KIRREL3: variants seen among roughly 807,000 people sequenced by gnomAD.
KIRREL3 encodes the protein kin of IRRE-like protein 3.
A neutral mutation model predicts 89.7 loss-of-function variants in KIRREL3; 36 were observed. The observed-to-expected ratio is 0.40, with a 90% CI of 0.31 to 0.53. The LOEUF (loss-of-function observed/expected upper bound fraction) is 0.53, where lower values mean the gene tolerates loss of function less well. Among genes scored for constraint, KIRREL3 ranks in the 20% least tolerant of loss-of-function variants. The pLI is 0.49. For synonymous variants in KIRREL3, 445 were observed against 441.4 expected, an observed-to-expected ratio of 1.01 and a Z score of -0.10; for missense variants, 864 against 1,056.6, an observed-to-expected ratio of 0.82 and a Z score of 2.53.
chr11:126,984,327 G>A (rs1949796785), intron 1 of KIRREL3, among the ~76,000 whole-genome samples: 1 of 152,220 alleles, frequency 6.6e-6, no homozygotes, highest in Non-Finnish European at 1.5e-5. Context: ...AAGTGACAGA[G>A]CCTGTAGCCT....
chr11:126,425,075 G>A (rs1350711407), intron 16 of KIRREL3, 52 bp from the exon 17 acceptor site: 13 of 1,439,122 alleles, frequency 9.0e-6, no homozygotes, highest in Non-Finnish European at 1.1e-5. Flanking sequence ...TCCACTGAGC[G>A]TGGCTGGGGT....
At chr11:126,793,864 C>T (rs1205532055) in intron 1 of KIRREL3, among the ~76,000 whole-genome samples, 3 of 152,104 alleles carry the variant, frequency 2.0e-5, no homozygotes, top group Admixed American at 6.5e-5. Context: ...ATTTGCAATC[C>T]AAATACACAT....
At chr11:126,634,741 C>T (rs972385608) in intron 1 of KIRREL3, among the ~76,000 whole-genome samples, 4 of 152,180 alleles carry the variant, frequency 2.6e-5, no homozygotes, top group Admixed American at 1.3e-4. Context: ...ACTCCATTGC[C>T]CCCTAGCCTA....
rs1327718951 is a variant in KIRREL3, at chr11:126,724,333, C to G, written c.56-161421G>C. ...GCTAACCTGATCCTAAGACAGGCCC[C>G]AACTAGTACACACGCAGATCCATGC... On this transcript the variant is annotated intron_variant, in intron 1 of 16. Coordinates refer to ENST00000525144, the MANE Select transcript of KIRREL3 (RefSeq NM_032531.4). The surrounding 1 kb of genome is among the most constrained non-coding windows in gnomAD (Gnocchi z 4.3). Among the ~76,000 whole-genome samples, 1 of 152,202 alleles carries G rather than the reference C, an allele frequency of 6.6e-6. No homozygotes were observed. Among genetic ancestry groups the G allele is most frequent in the Non-Finnish European group, 1.5e-5 (1 of 68,030 alleles).
At position 126,574,017 on chromosome 11, in the gene KIRREL3, A is replaced by T. The variant is rs1463754340; in HGVS notation, c.56-11105T>A. On this transcript the variant is annotated intron_variant, in intron 1 of 16. Transcript: ENST00000525144. This position sits in a 1 kb window ranked among gnomAD's most constrained non-coding sequence, Gnocchi z 5.3. ...TATGGAAAGTCCACACATTCCAGAA[A>T]GCTCCATGGAAGCCCCTTACAGGCC... Among the ~76,000 whole-genome samples the T allele has an allele frequency of 4.6e-5, 7 of 152,188 alleles. No homozygotes were observed. The highest frequency in any genetic ancestry group is 1.0e-4 in the Non-Finnish European group (7 of 68,030).
Position 126,672,386 on chromosome 11 carries a change from T to A in KIRREL3, c.56-109474A>T, listed in dbSNP as rs117568623. On this transcript the variant is annotated intron_variant, in intron 1 of 16. Transcript: ENST00000525144. ...GTTGTTATAAATCCATATAGTGGGA[T>A]ACTATTCGGCAATAAAAAGAAATGA... Among the ~76,000 whole-genome samples the A allele has an allele frequency of 1.8e-4, 27 of 152,316 alleles. No individual in the cohort carries two copies. In the East Asian group the frequency reaches 5.0e-3, roughly 28 times the overall value.
chr11:126,461,602 G>A (rs1309393535), intron 6 of KIRREL3, among the ~76,000 whole-genome samples: 1 of 152,208 alleles, frequency 6.6e-6, no homozygotes, highest in Non-Finnish European at 1.5e-5. Context: ...CAGCCTTTGT[G>A]TGTGGGTATC....
At position 126,424,656 on chromosome 11, in the gene KIRREL3, G is replaced by C. The variant is rs1341563092; in HGVS notation, c.2261C>G (p.Ser754Cys). The C allele has an allele frequency of 1.9e-6, 3 of 1,614,068 alleles. No homozygotes were observed. The highest frequency in any genetic ancestry group is 2.5e-6 in the Non-Finnish European group (3 of 1,179,902). ...CTGGGACGAGGACTGGGAGTGGTGG[G>C]AGGAGGAAGCAGAAGCCTTGCTGGC... ...DKASKASASSSHHSQSSSQNS... is the reference protein window; with the variant it reads ...DKASKASASSCHHSQSSSQNS... The change falls in exon 17 of 17, where the codon TCC becomes TGC. Residue 754 changes from serine (S) to cysteine (C), a missense_variant. Coordinates refer to ENST00000525144, the MANE Select transcript of KIRREL3 (RefSeq NM_032531.4).
chr11:126,938,132 C>G (rs1341270309), intron 1 of KIRREL3, among the ~76,000 whole-genome samples: 2 of 152,200 alleles, frequency 1.3e-5, no homozygotes, highest in Non-Finnish European at 2.9e-5. Flanking sequence ...GTTGCCAAAC[C>G]TATACCTACC....
At chr11:126,617,528 C>A (rs1232279201) in intron 1 of KIRREL3, among the ~76,000 whole-genome samples, 1 of 152,134 alleles carries the variant, frequency 6.6e-6, no homozygotes, top group Non-Finnish European at 1.5e-5. Context: ...AAATATATGC[C>A]CTCTAAATAG....
rs1232500110 is a variant in KIRREL3, at chr11:126,768,180, T to C, written c.56-205268A>G. On this transcript the variant is annotated intron_variant, in intron 1 of 16. Coordinates refer to ENST00000525144, the MANE Select transcript of KIRREL3 (RefSeq NM_032531.4). The surrounding 1 kb of genome is among the most constrained non-coding windows in gnomAD (Gnocchi z 4.5). ...TCCATCCATCCATCCAATCCATCCA[T>C]CCATCCATCCATCCATCCATCCATC... 1.4e-5 allele frequency among the ~76,000 whole-genome samples: 2 copies of C among 144,148 alleles called. No individual in the cohort carries two copies. The highest frequency in any genetic ancestry group is 2.6e-5 in the African/African-American group (1 of 38,420). The allele number at this position is 144,148 out of a possible 152,430, so 94.6% of individuals were successfully genotyped here.
chr11:126,618,549 G>A (rs1344402869), intron 1 of KIRREL3, among the ~76,000 whole-genome samples: 3 of 151,952 alleles, frequency 2.0e-5, no homozygotes, highest in Admixed American at 6.6e-5. Flanking sequence ...ATTCTCCTGC[G>A]TCAGCCTCCT....
chr11:126,494,211 G>C (rs1957598851), intron 4 of KIRREL3, among the ~76,000 whole-genome samples: 1 of 152,200 alleles, frequency 6.6e-6, no homozygotes, highest in African/African-American at 2.4e-5. Context: ...AAGCAAAGAA[G>C]TAGATGATTA....
intron 1 of KIRREL3, chr11:126,945,087 ACT>A (rs1222771002): frequency 6.6e-6 from 1 of 151,836 alleles, no homozygotes; most frequent in Non-Finnish European, 1.5e-5. Context: ...TCAGTGACAG[ACT>A]CTATCTGCCT....
At chr11:126,714,358 C>T (rs542334228) in intron 1 of KIRREL3, among the ~76,000 whole-genome samples, 36 of 152,334 alleles carry the variant, frequency 2.4e-4, no homozygotes, top group Non-Finnish European at 3.7e-4. Flanking sequence ...TGGCCCAGGC[C>T]GAGCCCTGAT....
At chr11:126,899,769 C>T (rs902067523) in intron 1 of KIRREL3, among the ~76,000 whole-genome samples, 5 of 152,206 alleles carry the variant, frequency 3.3e-5, no homozygotes, top group Non-Finnish European at 7.3e-5. Context: ...GAAGCAGCTG[C>T]CCCTGAAGTT....
chr11:126,494,033 C>T (rs952313213), intron 4 of KIRREL3, among the ~76,000 whole-genome samples: 1 of 152,122 alleles, frequency 6.6e-6, no homozygotes, highest in Non-Finnish European at 1.5e-5. Flanking sequence ...TATCTTAATG[C>T]AAATTAAACA....
chr11:126,585,302 C>T (rs1185667122), intron 1 of KIRREL3, among the ~76,000 whole-genome samples: 3 of 136,954 alleles, frequency 2.2e-5, no homozygotes, highest in African/African-American at 8.5e-5. Context: ...GGCGAGATCT[C>T]GGCTCACTGC....
At chr11:126,512,123 T>C (rs1958242658) in intron 4 of KIRREL3, among the ~76,000 whole-genome samples, 1 of 152,238 alleles carries the variant, frequency 6.6e-6, no homozygotes, top group Admixed American at 6.5e-5. Context: ...CAGGGCCTCA[T>C]GCCGATGAGT....
Sources: gnomAD v4.1 joint callset for allele counts (sites outside exome capture counted in the v4.1 genomes callset) on GRCh38, gnomAD v4.1.1 for gene constraint, Gnocchi (gnomAD v3.1) non-coding constraint, MANE v1.5 for transcripts, NCBI Gene and HGNC (gene_info 2026-07-23, HGNC 2026-07-21) for gene names.